The following CCL14 variants were observed in gnomAD, a reference collection of about 807,000 sequenced individuals.
CCL14 encodes C-C motif chemokine ligand 14, also known as C-C motif chemokine 14.
In CCL14, 8 loss-of-function variants were observed where a neutral mutation model predicts 8.2. The observed-to-expected ratio is 0.98, with a 90% CI of 0.57 to 1.76. The LOEUF is 1.76. CCL14 is among the 40% of genes most tolerant of loss of function. CCL14 has a pLI of 0.00. For missense variants in CCL14, 127 were observed against 118.3 expected, an observed-to-expected ratio of 1.07 and a Z score of -0.34; for synonymous variants, 50 against 43.2, an observed-to-expected ratio of 1.16 and a Z score of -0.62.
At chr17:35,985,634 C>T (rs1343963615) in intron 1 of CCL14, 13 of 823,700 alleles carry the variant, frequency 1.6e-5, no homozygotes, top group South Asian at 3.2e-5. Flanking sequence ...ATCCAAAGAA[C>T]GGCATAAGGG....
chr17:35,983,541 G>T lies in CCL14; in HGVS notation c.*260C>A. ...GCATTGCAGGCCTGACCTATTTTTT[G>T]TACCAGGCTCCAGCAAAACTTCTGC... On this transcript the variant is annotated 3_prime_UTR_variant, in exon 3 of 3. Transcript: ENST00000618404. 6.7e-6 allele frequency: 3 copies of T among 448,754 alleles called. No individual in the cohort carries two copies. Among genetic ancestry groups the T allele is most frequent in the South Asian group, 4.9e-5 (1 of 20,574 alleles). The allele number at this position is 448,754 out of a possible 1,614,324, so 27.8% of individuals were successfully genotyped here.
intron 2 of CCL14, 102 bp from the exon 3 acceptor site, chr17:35,983,990 G>T: frequency 1.2e-6 from 1 of 867,324 alleles, no homozygotes; most frequent in Non-Finnish European, 2.0e-6. Flanking sequence ...GACCTATACT[G>T]CTTTTCCTTT....
intron 1 of CCL14, chr17:35,984,886 A>G (rs2089738123): frequency 3.4e-6 from 1 of 297,382 alleles, no homozygotes; most frequent in Non-Finnish European, 6.2e-6. Context: ...ATTTGGAGAC[A>G]TGCCATTTGG....
At position 35,983,534 on chromosome 17, in the gene CCL14, A is replaced by C; in HGVS notation, c.*267T>G. 2.2e-6 allele frequency: 1 copy of C among 450,388 alleles called. No homozygotes were observed. Among genetic ancestry groups the C allele is most frequent in the East Asian group, 3.4e-5 (1 of 29,340 alleles). The allele number at this position is 450,388 out of a possible 1,614,324, so 27.9% of individuals were successfully genotyped here. A position where few individuals can be genotyped will look rare whatever the true frequency, so the allele number is the denominator to read the frequency against. On this transcript the variant is annotated 3_prime_UTR_variant, in exon 3 of 3. Coordinates refer to ENST00000618404, the MANE Select transcript of CCL14 (RefSeq NM_032963.4). ...ACTACCTGCATTGCAGGCCTGACCT[A>C]TTTTTTGTACCAGGCTCCAGCAAAA...
At chr17:35,986,339 G>A in intron 1 of CCL14, 1 of 525,178 alleles carries the variant, frequency 1.9e-6, no homozygotes, top group Middle Eastern at 5.0e-4. Context: ...CTCTTAAGCA[G>A]AACCTACAGT....
intron 1 of CCL14, chr17:35,985,301 T>A (rs9903158): frequency 3.6e-5 from 6 of 168,816 alleles, no homozygotes; most frequent in South Asian, 2.0e-4. Flanking sequence ...GTTTTAAAAA[T>A]CACTGGATTG....
chr17:35,983,799 A>T lies in CCL14; in HGVS notation c.*2T>A. ...GTGCCTTCGCCACCCCTTCTGGGTC[A>T]CTCAGTTCTCCTTCATGTCCTTGAT... is the stretch of plus-strand genomic sequence containing the variant. On this transcript the variant is annotated 3_prime_UTR_variant, in exon 3 of 3. Coordinates refer to ENST00000618404, the MANE Select transcript of CCL14 (RefSeq NM_032963.4). 6.2e-7 allele frequency: 1 copy of T among 1,609,396 alleles called. No homozygotes were observed. The highest frequency in any genetic ancestry group is 8.5e-7 in the Non-Finnish European group (1 of 1,175,748).
chr17:35,986,447 T>C, intron 1 of CCL14, 124 bp downstream of exon 1: 1 of 708,736 alleles, frequency 1.4e-6, no homozygotes, highest in South Asian at 1.7e-5. Context: ...TACACACAAT[T>C]TCAAGAAGAT....
chr17:35,983,956 C>T lies in CCL14; in HGVS notation c.195-68G>A. ...GTGGCCGGAAGAGACAGCCCATCTTCCCTCCCTCCTAAATTCCCCACCTGA... is the reference window on the plus strand; with the variant it reads ...GTGGCCGGAAGAGACAGCCCATCTTTCCTCCCTCCTAAATTCCCCACCTGA... On this transcript the variant is annotated intron_variant, in intron 2 of 2. Transcript: ENST00000618404. The T allele has an allele frequency of 3.5e-6, 4 of 1,155,120 alleles. No individual in the cohort carries two copies. In the Admixed American group the frequency reaches 6.7e-5, roughly 19 times the overall value. The allele number at this position is 1,155,120 out of a possible 1,614,324, so 71.6% of individuals were successfully genotyped here.
At position 35,985,654 on chromosome 17, in the gene CCL14, T is replaced by G. The variant is rs1040888030; in HGVS notation, c.79+917A>C. 117 of 1,118,188 alleles carry G rather than the reference T, an allele frequency of 1.0e-4. No individual in the cohort carries two copies. The South Asian group carries it at 1.6e-3, about 15-fold the overall frequency. The allele number at this position is 1,118,188 out of a possible 1,614,324, so 69.3% of individuals were successfully genotyped here. On this transcript the variant is annotated intron_variant, in intron 1 of 2. Transcript: ENST00000618404. Reference sequence around the variant, plus strand: ...AAGAACGGCATAAGGGGCCCCTGTTTCCTGAGACCCAGTCAGAGCTCCTAT... The same window carrying G: ...AAGAACGGCATAAGGGGCCCCTGTTGCCTGAGACCCAGTCAGAGCTCCTAT...
Position 35,985,719 on chromosome 17 carries a change from G to A in CCL14, c.79+852C>T, listed in dbSNP as rs904447350. 1.9e-5 allele frequency: 29 copies of A among 1,541,634 alleles called. No individual in the cohort carries two copies. The Admixed American group carries it at 2.0e-4, about 10-fold the overall frequency. On this transcript the variant is annotated intron_variant, in intron 1 of 2. Coordinates refer to ENST00000618404, the MANE Select transcript of CCL14 (RefSeq NM_032963.4). ...TTCCTCTGAGCTGACAAATGACATC[G>A]GAGAGGGCAAGTCAAACTGTGCACA...
At chr17:35,984,289 G>A in intron 2 of CCL14, 49 bp downstream of exon 2, 1 of 1,331,056 alleles carries the variant, frequency 7.5e-7, no homozygotes, top group Non-Finnish European at 1.1e-6. Context: ...CCTCCAGGAG[G>A]CCCTGCTGGC....
chr17:35,984,301 C>G, intron 2 of CCL14, 37 bp downstream of exon 2: 1 of 1,474,112 alleles, frequency 6.8e-7, no homozygotes, highest in Non-Finnish European at 9.5e-7. Flanking sequence ...CCTGCTGGCT[C>G]CCTCTCCCCC....
intron 1 of CCL14, chr17:35,985,657 T>C (rs1224694180): frequency 2.6e-6 from 3 of 1,152,908 alleles, no homozygotes; most frequent in African/African-American, 1.6e-5. Context: ...CCCTGTTTCC[T>C]GAGACCCAGT....
At chr17:35,984,553 G>C in intron 1 of CCL14, 101 bp from the exon 2 acceptor site, 12 of 736,478 alleles carry the variant, frequency 1.6e-5, no homozygotes, top group Non-Finnish European at 2.5e-5. Context: ...AAGGAAGGAG[G>C]AGACAGCCCC....
chr17:35,985,626 C>A (rs1049867296), intron 1 of CCL14: 9 of 781,368 alleles, frequency 1.2e-5, no homozygotes, highest in African/African-American at 1.7e-5. Context: ...TCCTCACGAT[C>A]CAAAGAACGG....
At chr17:35,984,897 G>A (rs1054538222) in intron 1 of CCL14, 7 of 275,066 alleles carry the variant, frequency 2.5e-5, no homozygotes, top group African/African-American at 8.7e-5. Flanking sequence ...TGCCATTTGG[G>A]AATGCAAACC....
At chr17:35,983,957 C>T (rs2089714047) in intron 2 of CCL14, 69 bp from the exon 3 acceptor site, 1 of 1,152,346 alleles carries the variant, frequency 8.7e-7, no homozygotes, top group South Asian at 1.2e-5. Flanking sequence ...GCCCATCTTC[C>T]CTCCCTCCTA....
rs769854730 is a variant in CCL14 at position 35,984,449 on chromosome 17, C to T, written c.83G>A (p.Gly28Glu). The change falls in exon 2 of 3, where the codon GGA (glycine) becomes GAA (glutamate). Residue 28 changes from glycine to glutamate, a missense_variant. Coordinates refer to ENST00000618404, the MANE Select transcript of CCL14 (RefSeq NM_032963.4). ...LGTKTESSSR[G>E]PYHPSECCFT... The stretch of plus-strand genomic sequence containing the variant: ...GCAGCACTCTGAGGGGTGGTAAGGT[C>T]CCCCTGAGGAGAGAGCATCAGATGC... 297 of 1,608,762 alleles carry T rather than the reference C, an allele frequency of 1.8e-4. No homozygotes were observed. The highest frequency in any genetic ancestry group is 2.5e-4 in the Non-Finnish European group (290 of 1,176,106).
Sources: allele counts gnomAD v4.1 joint callset, GRCh38; gene constraint gnomAD v4.1.1; transcripts MANE v1.5; gene names NCBI Gene and HGNC (gene_info 2026-07-23, HGNC 2026-07-21).